LRP1B: variants seen among roughly 807,000 people sequenced by gnomAD.
LRP1B encodes the protein LDL receptor related protein 1B, also known as low-density lipoprotein receptor-related protein 1B.
LRP1B carries 217 observed loss-of-function variants against 556.6 expected under a neutral mutation model. That is an observed-to-expected ratio of 0.39 (90% CI 0.35 to 0.44). The LOEUF (loss-of-function observed/expected upper bound fraction) is 0.44, where lower values mean the gene tolerates loss of function less well. Among genes scored for constraint, LRP1B ranks in the 20% least tolerant of loss-of-function variants. LRP1B has a pLI of 1.00. For synonymous variants in LRP1B, 2,047 were observed against 1,865.8 expected (o/e 1.10, Z -2.50); for missense variants, 5,053 against 5,620.8 (o/e 0.90, Z 3.23).
At chr2:140,442,078 C>T (rs1356475399) in intron 66 of LRP1B, among the ~76,000 whole-genome samples, 4 of 151,852 alleles carry the variant, frequency 2.6e-5, no homozygotes, top group Admixed American at 2.0e-4. Context: ...TTTTTTCACA[C>T]TGTAATGTAT....
rs150601792 is a variant in LRP1B at position 141,140,043 on chromosome 2, A to T, written c.1013+48378T>A. On this transcript the variant is annotated intron_variant, in intron 7 of 90. Transcript: ENST00000389484. ...GAGATTAATTATTGATAAATGCAAC[A>T]TGATGAATCTCAAAATAACTATGCT... Among the ~76,000 whole-genome samples the T allele has an allele frequency of 1.3e-3, 205 of 152,214 alleles. 6 individuals carry two copies. In the East Asian group the frequency reaches 0.035, roughly 26 times the overall value.
chr2:140,524,422 A>G (rs1160138411), intron 49 of LRP1B, among the ~76,000 whole-genome samples: 1 of 152,028 alleles, frequency 6.6e-6, no homozygotes, highest in East Asian at 1.9e-4. Context: ...GAGATTTCTC[A>G]AAAACTAAAA....
intron 50 of LRP1B, among the ~76,000 whole-genome samples, chr2:140,515,555 A>G (rs1689859246): frequency 6.6e-6 from 1 of 152,074 alleles, no homozygotes; most frequent in African/African-American, 2.4e-5. Context: ...AACTCTTGTA[A>G]AAATAGCAAT....
chr2:142,099,177 A>T (rs187555414), intron 1 of LRP1B, among the ~76,000 whole-genome samples: 6 of 151,996 alleles, frequency 3.9e-5, no homozygotes, highest in Admixed American at 2.0e-4. Context: ...GGGAAAACTC[A>T]TTATTCAACA....
chr2:141,985,556 G>C (rs912682255), intron 1 of LRP1B, among the ~76,000 whole-genome samples: 2 of 151,804 alleles, frequency 1.3e-5, no homozygotes, highest in African/African-American at 2.4e-5. Context: ...AGTTAGACGT[G>C]ATGTTATAAA....
At chr2:140,992,193 A>C (rs1009863287) in intron 16 of LRP1B, among the ~76,000 whole-genome samples, 1 of 152,072 alleles carries the variant, frequency 6.6e-6, no homozygotes, top group African/African-American at 2.4e-5. Context: ...AATAGGATTT[A>C]TTTAAAAAAT....
At chr2:140,913,516 C>T (rs1205195357) in intron 21 of LRP1B, among the ~76,000 whole-genome samples, 1 of 151,854 alleles carries the variant, frequency 6.6e-6, no homozygotes, top group Non-Finnish European at 1.5e-5. Context: ...AGACAGCTGC[C>T]TTATGCGTAT....
intron 1 of LRP1B, among the ~76,000 whole-genome samples, chr2:141,944,014 C>T (rs1700887989): frequency 6.6e-6 from 1 of 152,252 alleles, no homozygotes; most frequent in East Asian, 1.9e-4. Context: ...AGGCTCCTCC[C>T]CTCTGCAAAT....
At chr2:140,986,478 C>T (rs1405646090) in intron 17 of LRP1B, among the ~76,000 whole-genome samples, 1 of 152,180 alleles carries the variant, frequency 6.6e-6, no homozygotes, top group Non-Finnish European at 1.5e-5. Context: ...GAGTGTATGA[C>T]AATTCCTTCT....
chr2:140,539,842 T>C (rs1680068591), intron 45 of LRP1B, among the ~76,000 whole-genome samples: 1 of 152,194 alleles, frequency 6.6e-6, no homozygotes. Flanking sequence ...AAATTGGCCA[T>C]CTGCATTTAA....
At chr2:142,014,378 AG>A (rs965565261) in intron 1 of LRP1B, among the ~76,000 whole-genome samples, 5 of 152,186 alleles carry the variant, frequency 3.3e-5, no homozygotes, top group East Asian at 3.8e-4. Flanking sequence ...TCCATTTAGT[AG>A]CTTTTATTTG....
intron 3 of LRP1B, among the ~76,000 whole-genome samples, chr2:141,339,093 C>CTTTCCAGAA (rs1243631363): frequency 6.6e-6 from 1 of 152,084 alleles, no homozygotes; most frequent in Non-Finnish European, 1.5e-5. Flanking sequence ...AGGAATCATG[C>CTTTCCAGAA]TACTTTCCAG....
chr2:140,498,567 G>A (rs1001124956), intron 55 of LRP1B, among the ~76,000 whole-genome samples: 5 of 151,756 alleles, frequency 3.3e-5, no homozygotes, highest in East Asian at 1.9e-4. Context: ...AGCAATTCTC[G>A]TTTTATTGCA....
intron 66 of LRP1B, among the ~76,000 whole-genome samples, chr2:140,428,279 A>G (rs962718375): frequency 6.6e-6 from 1 of 152,186 alleles, no homozygotes; most frequent in East Asian, 1.9e-4. Flanking sequence ...AAGTAGCAAC[A>G]TATTTCTGAG....
intron 41 of LRP1B, among the ~76,000 whole-genome samples, chr2:140,673,997 G>A (rs1685581464): frequency 6.7e-6 from 1 of 148,158 alleles, no homozygotes; most frequent in African/African-American, 2.5e-5. Context: ...CGCCCAGGCT[G>A]GAGTGCAATG....
chr2:140,692,890 C>G (rs956955081), intron 41 of LRP1B, among the ~76,000 whole-genome samples: 1 of 151,984 alleles, frequency 6.6e-6, no homozygotes, highest in Non-Finnish European at 1.5e-5. Flanking sequence ...ATTCTGTATT[C>G]TTTGATATTA....
At chr2:141,069,816 A>G (rs1699585164) in intron 7 of LRP1B, among the ~76,000 whole-genome samples, 1 of 152,012 alleles carries the variant, frequency 6.6e-6, no homozygotes. Flanking sequence ...TTTTATTATT[A>G]TTATACTTTA....
At chr2:141,677,125 TAAAG>T (rs748834267) in intron 2 of LRP1B, among the ~76,000 whole-genome samples, 44 of 152,142 alleles carry the variant, frequency 2.9e-4, no homozygotes, top group Non-Finnish European at 2.2e-4. Context: ...AATAATTTCT[TAAAG>T]AAGTAACATT....
chr2:141,629,816 C>T (rs1185741816), intron 2 of LRP1B, among the ~76,000 whole-genome samples: 1 of 152,078 alleles, frequency 6.6e-6, no homozygotes, highest in African/African-American at 2.4e-5. Flanking sequence ...CCTCTTTCTT[C>T]TTATAGACAA....
Sources: allele counts gnomAD v4.1 joint callset (sites outside exome capture counted in the v4.1 genomes callset), GRCh38; gene constraint gnomAD v4.1.1; transcripts MANE v1.5; gene names NCBI Gene and HGNC (gene_info 2026-07-23, HGNC 2026-07-21).